KALRN: variants seen among roughly 807,000 people sequenced by gnomAD.
KALRN encodes the protein kalirin.
Under a neutral mutation model 353.7 loss-of-function variants are expected in KALRN, and 70 were observed. That is an observed-to-expected ratio of 0.20 (90% CI 0.16 to 0.24). KALRN has a LOEUF of 0.24. Ranked by LOEUF, KALRN falls within the 10% of genes least tolerant of loss-of-function variation. KALRN has a pLI of 1.00. For missense variants in KALRN, 2,791 were observed against 3,756.7 expected (o/e 0.74, Z 6.72); for synonymous variants, 1,391 against 1,434.8 (o/e 0.97, Z 0.69).
At chr3:124,416,958 C>G (rs757112101) in intron 14 of KALRN, among the ~76,000 whole-genome samples, 1 of 152,196 alleles carries the variant, frequency 6.6e-6, no homozygotes, top group African/African-American at 2.4e-5. Context: ...TTTTTATATG[C>G]TTCTTTTCAA....
At chr3:124,163,166 G>A (rs1251014712) in intron 1 of KALRN, 1 of 152,188 alleles carries the variant, frequency 6.6e-6, no homozygotes. Context: ...GTGCACATTG[G>A]CTAGAAGGTT....
At chr3:124,306,466 C>A (rs567424823) in intron 6 of KALRN, among the ~76,000 whole-genome samples, 6 of 151,956 alleles carry the variant, frequency 3.9e-5, no homozygotes, top group African/African-American at 1.4e-4. Context: ...AGAATGAGGA[C>A]AAATGTACAG....
intron 43 of KALRN, 65 bp downstream of exon 43, chr3:124,659,522 G>GC: frequency 1.8e-6 from 2 of 1,097,590 alleles, no homozygotes; most frequent in Non-Finnish European, 2.8e-6. Flanking sequence ...CAGGTTCTGA[G>GC]CTAGGGGTAG....
intron 1 of KALRN, among the ~76,000 whole-genome samples, chr3:124,203,156 A>G (rs2076105938): frequency 6.6e-6 from 1 of 152,226 alleles, no homozygotes; most frequent in African/African-American, 2.4e-5. Context: ...GTCATCGGTC[A>G]TCAAGCTTCC....
chr3:124,180,857 C>G (rs970556397), intron 1 of KALRN, among the ~76,000 whole-genome samples: 1 of 146,086 alleles, frequency 6.8e-6, no homozygotes, highest in Admixed American at 6.6e-5. Context: ...ATGAACAACA[C>G]TGTCCTCACT....
intron 1 of KALRN, among the ~76,000 whole-genome samples, chr3:124,081,871 A>T (rs1438187065): frequency 6.6e-6 from 1 of 152,258 alleles, no homozygotes; most frequent in East Asian, 1.9e-4. Context: ...ACATGTAGTC[A>T]TCCTCACAAA....
At chr3:124,471,470 A>G (rs2060893070) in intron 25 of KALRN, among the ~76,000 whole-genome samples, 1 of 151,798 alleles carries the variant, frequency 6.6e-6, no homozygotes, top group Non-Finnish European at 1.5e-5. Flanking sequence ...TATTTTTAAT[A>G]GAGACGGGGT....
chr3:124,040,232 T>A (rs1246140145), intron 1 of KALRN, among the ~76,000 whole-genome samples: 1 of 152,112 alleles, frequency 6.6e-6, no homozygotes, highest in African/African-American at 2.4e-5. Context: ...ATAAATAAAA[T>A]CAATAAAACA....
At chr3:124,505,027 A>G (rs1030097107) in intron 33 of KALRN, 3 of 471,674 alleles carry the variant, frequency 6.4e-6, no homozygotes, top group Non-Finnish European at 1.3e-5. Context: ...GGGAGGGGAG[A>G]GCAAAGCTTG....
In KALRN at chr3:124,513,864, G is replaced by A. The variant is rs114743904; in HGVS notation, c.4935+17451G>A. On this transcript the variant is annotated intron_variant, in intron 33 of 59. Transcript: ENST00000682506. ...CACCTACGAGGCCTTCCTGCTCATC[G>A]CTGACCGCTCAGCCAGCCTGTCTTT... Among the ~76,000 whole-genome samples, 1,405 of 152,268 alleles carry A rather than the reference G, an allele frequency of 9.2e-3. 24 individuals carry two copies. The highest frequency in any genetic ancestry group is 0.031 in the African/African-American group (1,306 of 41,556).
chr3:124,324,127 G>T (rs751779072), intron 6 of KALRN, among the ~76,000 whole-genome samples: 4 of 152,182 alleles, frequency 2.6e-5, no homozygotes, highest in Non-Finnish European at 5.9e-5. Context: ...TCTCAATAGG[G>T]ATTGAACCCC....
intron 3 of KALRN, among the ~76,000 whole-genome samples, chr3:124,237,364 T>A (rs1164812665): frequency 6.7e-6 from 1 of 149,538 alleles, no homozygotes; most frequent in African/African-American, 2.4e-5. Context: ...GATCATTTGA[T>A]GCTTTTTTTT....
chr3:124,086,351 GTGTT>G (rs1485210139), intron 1 of KALRN, among the ~76,000 whole-genome samples: 258 of 144,330 alleles, frequency 1.8e-3, no homozygotes, highest in Middle Eastern at 3.5e-3. Flanking sequence ...GTGTGTGTGT[GTGTT>G]TTTGCTGGGG....
chr3:124,609,637 C>T (rs1028804059), intron 34 of KALRN, among the ~76,000 whole-genome samples: 1 of 152,198 alleles, frequency 6.6e-6, no homozygotes, highest in Non-Finnish European at 1.5e-5. Flanking sequence ...GAATCCATTC[C>T]GGCAGATGAC....
intron 1 of KALRN, among the ~76,000 whole-genome samples, chr3:124,107,620 G>A (rs887149080): frequency 2.0e-5 from 3 of 152,088 alleles, no homozygotes; most frequent in Non-Finnish European, 4.4e-5. Context: ...TAAGAACCCT[G>A]GTGTTGACTC....
chr3:124,395,499 A>T, intron 12 of KALRN, 156 bp downstream of exon 12: 1 of 583,532 alleles, frequency 1.7e-6, no homozygotes, highest in Non-Finnish European at 3.0e-6. Context: ...ACCATACTCA[A>T]CTTGAATCTA....
chr3:124,495,980 T>TATATAC (rs2063734460), intron 32 of KALRN, among the ~76,000 whole-genome samples: 9 of 35,002 alleles, frequency 2.6e-4, no homozygotes, highest in South Asian at 2.3e-3. Flanking sequence ...TATATATATA[T>TATATAC]ATATATATAT....
At chr3:124,519,725 C>T (rs1489258983) in intron 33 of KALRN, 2 of 985,326 alleles carry the variant, frequency 2.0e-6, no homozygotes, top group East Asian at 1.1e-4. Flanking sequence ...AAAGGACTGT[C>T]TTTGTACTTG....
At chr3:124,495,558 G>A (rs980077866) in intron 32 of KALRN, among the ~76,000 whole-genome samples, 6 of 151,610 alleles carry the variant, frequency 4.0e-5, no homozygotes, top group African/African-American at 1.2e-4. Flanking sequence ...CCAACATGGT[G>A]AAACCACGTC....
Sources: gnomAD v4.1 joint callset for allele counts (sites outside exome capture counted in the v4.1 genomes callset) on GRCh38, gnomAD v4.1.1 for gene constraint, MANE v1.5 for transcripts, NCBI Gene and HGNC (gene_info 2026-07-23, HGNC 2026-07-21) for gene names.